Variants in FAM209A observed in about 807,000 individuals in gnomAD.
FAM209A encodes the protein family with sequence similarity 209 member A, also known as protein FAM209A.
Under a neutral mutation model 9.8 loss-of-function variants are expected in FAM209A, and 4 were observed. That is an observed-to-expected ratio of 0.41 (90% CI 0.20 to 0.94). The LOEUF is 0.94. Among genes scored for constraint, FAM209A ranks in the 40% least tolerant of loss-of-function variants. The probability of loss-of-function intolerance (pLI) is 0.32; values close to 1 mark genes in which losing one functional copy is unlikely to be tolerated. For synonymous variants in FAM209A, 55 were observed against 77.8 expected (o/e 0.71, Z 1.54); for missense variants, 205 against 209.4 (o/e 0.98, Z 0.13).
the FAM209A span, among the ~76,000 whole-genome samples, chr20:56,531,596 C>T: frequency 6.7e-6 from 1 of 150,024 alleles, no homozygotes; most frequent in Non-Finnish European, 1.5e-5. Flanking sequence ...CCACCGTGCC[C>T]GGCCTCTTAC....
At chr20:56,529,866 C>T (rs536161642), downstream of FAM209A, among the ~76,000 whole-genome samples, 12 of 151,972 alleles carry the variant, frequency 7.9e-5, no homozygotes, top group South Asian at 6.2e-4. Flanking sequence ...AATACAAATA[C>T]GAAAATTAGG....
chr20:56,530,999 G>C (rs1188193617), downstream of FAM209A, among the ~76,000 whole-genome samples: 3 of 152,204 alleles, frequency 2.0e-5, no homozygotes, highest in African/African-American at 7.2e-5. Flanking sequence ...TACAAGCCGT[G>C]CATTCCAGCA....
chr20:56,527,166 C>T (rs781589175), downstream of FAM209A, among the ~76,000 whole-genome samples: 30 of 151,570 alleles, frequency 2.0e-4, no homozygotes, highest in Non-Finnish European at 3.8e-4. Flanking sequence ...GCTGTTCCTT[C>T]GCCGATGATT....
At chr20:56,526,197 GAA>G, downstream of FAM209A, 2 of 1,361,384 alleles carry the variant, frequency 1.5e-6, no homozygotes, top group African/African-American at 1.5e-5. Context: ...TTCACTAGAA[GAA>G]AAAGTGAATG....
chr20:56,524,965 C>T lies in FAM209A; in HGVS notation c.157C>T (p.Gln53Ter), dbSNP rs1985456735. 6.2e-7 allele frequency: 1 copy of T among 1,614,072 alleles called. No individual in the cohort carries two copies. The part of the protein sequence containing the change: ...RIRQNLPEHT[Q>*]GWLGSKWLWL... ...TCGGCAGAATCTACCAGAGCACACC[C>T]AAGGCTGGCTTGGGAGCAAATGGCT... Residue 53 changes from glutamine (Q) to a stop codon, truncating the protein, a stop_gained, in exon 1 of 2, where the codon CAA (glutamine) becomes TAA (stop). Coordinates refer to ENST00000371328, the MANE Select transcript of FAM209A (RefSeq NM_001012971.4). LOFTEE classifies it high-confidence loss of function.
At chr20:56,530,694 C>T (rs1985714209), downstream of FAM209A, among the ~76,000 whole-genome samples, 1 of 141,842 alleles carries the variant, frequency 7.1e-6, no homozygotes. Flanking sequence ...TTTTTAGTGG[C>T]GACAGTGTTT....
rs1472687626 is a variant in FAM209A at position 56,525,797 on chromosome 20, C to T, written c.250-7C>T. 1.2e-6 allele frequency: 2 copies of T among 1,611,536 alleles called. No homozygotes were observed. Among genetic ancestry groups the T allele is most frequent in the African/African-American group, 2.7e-5 (2 of 74,660 alleles). ...ATATTACTGACCTTGAGTATCTTTCCTGACAGGAGCAGAGTCCTCCTGGCC... is the reference window on the plus strand; with the variant it reads ...ATATTACTGACCTTGAGTATCTTTCTTGACAGGAGCAGAGTCCTCCTGGCC... On this transcript the variant is annotated splice_region_variant and splice_polypyrimidine_tract_variant and intron_variant, in intron 1 of 1. Transcript: ENST00000371328.
chr20:56,531,980 T>TTTTA, the FAM209A span, among the ~76,000 whole-genome samples: 2 of 145,716 alleles, frequency 1.4e-5, no homozygotes, highest in African/African-American at 2.5e-5. Flanking sequence ...TTTTCTTTTT[T>TTTTA]TTTTTTTTTT....
chr20:56,533,047 A>C, the FAM209A span: 4 of 593,842 alleles, frequency 6.7e-6, no homozygotes, highest in African/African-American at 2.0e-5. Flanking sequence ...GACGGCCTCT[A>C]CCAGCAAAAG....
the FAM209A span, among the ~76,000 whole-genome samples, chr20:56,532,144 T>G: frequency 2.0e-5 from 3 of 151,528 alleles, no homozygotes; most frequent in African/African-American, 7.3e-5. Context: ...CTGGCTAATT[T>G]GTGTATTTTT....
rs1413903626 is a variant in FAM209A, at chr20:56,524,977, G to C, written c.169G>C (p.Gly57Arg). The C allele has an allele frequency of 1.2e-6, 2 of 1,614,198 alleles. No individual in the cohort carries two copies. Among genetic ancestry groups the C allele is most frequent in the Admixed American group, 3.3e-5 (2 of 60,018 alleles). The change falls in exon 1 of 2, where the codon GGG (glycine) becomes CGG (arginine). Residue 57 changes from glycine (G) to arginine (R), a missense_variant. Transcript: ENST00000371328. ...NLPEHTQGWL[G>R]SKWLWLLFVV... ...ACCAGAGCACACCCAAGGCTGGCTT[G>C]GGAGCAAATGGCTCTGGCTTCTTTT...
At chr20:56,532,345 T>C in the FAM209A span, among the ~76,000 whole-genome samples, 3 of 151,578 alleles carry the variant, frequency 2.0e-5, no homozygotes. Context: ...TAATAGGGAG[T>C]GGTGGGGACT....
downstream of FAM209A, among the ~76,000 whole-genome samples, chr20:56,527,621 C>T (rs1218102546): frequency 2.6e-5 from 4 of 152,296 alleles, no homozygotes; most frequent in East Asian, 5.8e-4. Flanking sequence ...TCACCCAGGG[C>T]GCAAGGAAGA....
At chr20:56,533,322 C>T in the FAM209A span, 1 of 1,612,954 alleles carries the variant, frequency 6.2e-7, no homozygotes, top group South Asian at 1.1e-5. Flanking sequence ...GAGCAACTCC[C>T]TTCCCCATCT....
downstream of FAM209A, among the ~76,000 whole-genome samples, chr20:56,529,187 G>A (rs1168031898): frequency 6.7e-6 from 1 of 149,916 alleles, no homozygotes; most frequent in Non-Finnish European, 1.5e-5. Flanking sequence ...CAGCCTAAGT[G>A]ACAGAGTGAG....
At chr20:56,526,181 C>G (rs1372829166), downstream of FAM209A, 5 of 1,435,612 alleles carry the variant, frequency 3.5e-6, no homozygotes, top group African/African-American at 1.4e-5. Flanking sequence ...TGCTTCTTTT[C>G]TTTTTTTCAC....
At position 56,525,818 on chromosome 20, in the gene FAM209A, T is replaced by C. The variant is rs1568719050; in HGVS notation, c.264T>C (p.Pro88=). The part of the protein sequence containing the change: ...DSEKNKEQSP[P]GLRGGQLHSP... ...TTTCCTGACAGGAGCAGAGTCCTCC[T>C]GGCCTTCGAGGCGGCCAACTTCACT... Residue 88 remains proline, a synonymous_variant, in exon 2 of 2, where the codon CCT becomes CCC. Transcript: ENST00000371328. 3 of 1,614,114 alleles carry C rather than the reference T, an allele frequency of 1.9e-6. No individual in the cohort carries two copies. The highest frequency in any genetic ancestry group is 1.7e-5 in the Admixed American group (1 of 59,994).
chr20:56,530,358 G>A (rs1479670933), downstream of FAM209A, among the ~76,000 whole-genome samples: 1 of 152,228 alleles, frequency 6.6e-6, no homozygotes, highest in Non-Finnish European at 1.5e-5. Flanking sequence ...ACGCTGGCAG[G>A]GCAGGTGGGA....
chr20:56,532,271 G>A, the FAM209A span, among the ~76,000 whole-genome samples: 2 of 151,832 alleles, frequency 1.3e-5, no homozygotes, highest in South Asian at 4.1e-4. Flanking sequence ...CACCAGGCCT[G>A]GCTCCAAAGT....
Sources: allele counts gnomAD v4.1 joint callset (sites outside exome capture counted in the v4.1 genomes callset), GRCh38; gene constraint gnomAD v4.1.1; transcripts MANE v1.5; gene names NCBI Gene and HGNC (gene_info 2026-07-23, HGNC 2026-07-21).